TBC1D21: variants seen among roughly 807,000 people sequenced by gnomAD.
The protein encoded by TBC1D21 is male germ cell Rab GTPase-activating protein.
TBC1D21 carries 38 observed loss-of-function variants against 46.0 expected under a neutral mutation model. That is an observed-to-expected ratio of 0.83 (90% CI 0.64 to 1.08). The LOEUF (loss-of-function observed/expected upper bound fraction) is 1.08, where lower values mean the gene tolerates loss of function less well. Ranked by LOEUF, TBC1D21 falls within the 50% of genes least tolerant of loss-of-function variation. The pLI, the probability that TBC1D21 is intolerant of heterozygous loss-of-function variation, is 0.00. For missense variants in TBC1D21, 415 were observed against 417.9 expected (o/e 0.99, Z 0.06); for synonymous variants, 151 against 157.2 (o/e 0.96, Z 0.29).
the TBC1D21 span, among the ~76,000 whole-genome samples, chr15:73,906,967 A>C: frequency 5.3e-5 from 8 of 152,106 alleles, no homozygotes; most frequent in African/African-American, 1.9e-4. Context: ...GCAGGTCTTA[A>C]CTTTATAAAG....
intron 1 of TBC1D21, among the ~76,000 whole-genome samples, chr15:73,880,752 G>A (rs1469740250): frequency 6.6e-6 from 1 of 152,216 alleles, no homozygotes; most frequent in African/African-American, 2.4e-5. Flanking sequence ...CCTGGCGACA[G>A]AGTGAGACTC....
At chr15:73,888,945 T>G in intron 10 of TBC1D21, 124 bp from the exon 11 acceptor site, 2 of 1,146,516 alleles carry the variant, frequency 1.7e-6, no homozygotes, top group South Asian at 2.7e-5. Context: ...CATCCCCCAT[T>G]CCCTGTGTCC....
the TBC1D21 span, among the ~76,000 whole-genome samples, chr15:73,898,880 A>AAAAATATATATATATAT: frequency 1.6e-3 from 92 of 56,688 alleles, no homozygotes; most frequent in Non-Finnish European, 3.0e-3. Flanking sequence ...AAAAAAAAAA[A>AAAAATATATATATATAT]ATATATATAT....
rs771245536 is a variant in TBC1D21, at chr15:73,884,873, G to A, written c.460G>A (p.Val154Ile). 18 of 1,613,924 alleles carry A rather than the reference G, an allele frequency of 1.1e-5. No individual in the cohort carries two copies. The highest frequency in any genetic ancestry group is 9.3e-5 in the African/African-American group (7 of 74,890). ...RLEKILLLSY[V>I]CNTQAEYQQG... ...AGAGAAGATCCTGCTCCTGAGTTAC[G>A]TCTGCAACACGCAGGCAGGTGAGCC... The change falls in exon 5 of 11, where the codon GTC becomes ATC. Residue 154 changes from valine (V) to isoleucine (I), a missense_variant. Coordinates refer to ENST00000300504, the MANE Select transcript of TBC1D21 (RefSeq NM_153356.3).
chr15:73,897,707 A>C, the TBC1D21 span, among the ~76,000 whole-genome samples: 1 of 152,202 alleles, frequency 6.6e-6, no homozygotes, highest in Non-Finnish European at 1.5e-5. Flanking sequence ...TGTTGCCGAG[A>C]GGGAGGAAGC....
At chr15:73,876,212 T>TGTTTG (rs1567062301) in intron 1 of TBC1D21, among the ~76,000 whole-genome samples, 2 of 36,512 alleles carry the variant, frequency 5.5e-5, no homozygotes, top group East Asian at 3.3e-3. Context: ...TTTTTTTTTT[T>TGTTTG]TTTTTTTTTT....
At chr15:73,903,344 C>G in the TBC1D21 span, among the ~76,000 whole-genome samples, 2 of 152,178 alleles carry the variant, frequency 1.3e-5, no homozygotes, top group African/African-American at 4.8e-5. Context: ...CAGGAGCAGC[C>G]CTTGAAGGAA....
chr15:73,886,264 G>T (rs2278864), intron 7 of TBC1D21, 90 bp downstream of exon 7: 337,684 of 1,159,974 alleles, frequency 0.29, 54,403 homozygotes, highest in East Asian at 0.68. Context: ...ATCATGGGGG[G>T]GCTGGAGAGC....
At chr15:73,884,701 TG>T (rs2068211196) in intron 4 of TBC1D21, 79 bp from the exon 5 acceptor site, 1 of 986,582 alleles carries the variant, frequency 1.0e-6, no homozygotes, top group East Asian at 2.5e-5. Flanking sequence ...GCCTGCCCAT[TG>T]GGGTAGGGGA....
At chr15:73,881,613 C>G (rs755031290) in intron 2 of TBC1D21, 31 bp from the exon 3 acceptor site, 2 of 1,606,546 alleles carry the variant, frequency 1.2e-6, no homozygotes, top group South Asian at 2.2e-5. Flanking sequence ...TCGATAGAGC[C>G]CATGACCTCC....
the TBC1D21 span, among the ~76,000 whole-genome samples, chr15:73,903,581 C>A: frequency 3.3e-5 from 5 of 152,308 alleles, no homozygotes; most frequent in South Asian, 1.0e-3. Context: ...ACACCCAAAT[C>A]CTTGTCAGAA....
At chr15:73,906,376 T>C in the TBC1D21 span, among the ~76,000 whole-genome samples, 1 of 152,118 alleles carries the variant, frequency 6.6e-6, no homozygotes, top group Admixed American at 6.5e-5. Flanking sequence ...TATGAGACCA[T>C]CTTCTGAATC....
the TBC1D21 span, among the ~76,000 whole-genome samples, chr15:73,897,199 T>A: frequency 1.3e-5 from 2 of 152,286 alleles, no homozygotes; most frequent in East Asian, 3.9e-4. Context: ...GCAGTGTGAA[T>A]TGGTTAGTCC....
intron 1 of TBC1D21, among the ~76,000 whole-genome samples, chr15:73,880,934 GTAT>G (rs1429022471): frequency 6.6e-6 from 1 of 152,098 alleles, no homozygotes; most frequent in South Asian, 2.1e-4. Flanking sequence ...TTTATGTGGG[GTAT>G]TATTATAATA....
Position 73,881,655 on chromosome 15 carries a change from C to G in TBC1D21, c.180C>G (p.Pro60=). 1 of 1,613,938 alleles carries G rather than the reference C, an allele frequency of 6.2e-7. No homozygotes were observed. The highest frequency in any genetic ancestry group is 2.2e-5 in the East Asian group (1 of 44,856). ...CACCCCCACCCCAGGGTCTGCACCC[C>G]TTCGTGAGGACTGAAGCCTGGAAAT... ...CVNILERGLH[P]FVRTEAWKFL... The change falls in exon 3 of 11, where the codon CCC becomes CCG. Residue 60 remains proline, a synonymous_variant. Coordinates refer to ENST00000300504, the MANE Select transcript of TBC1D21 (RefSeq NM_153356.3).
At chr15:73,899,067 T>C in the TBC1D21 span, among the ~76,000 whole-genome samples, 26 of 151,916 alleles carry the variant, frequency 1.7e-4, no homozygotes, top group African/African-American at 6.0e-4. Flanking sequence ...TTTCAAATGC[T>C]CAGAAGCGCG....
chr15:73,873,730 A>G lies in TBC1D21; in HGVS notation c.21A>G (p.Glu7=), dbSNP rs557364922. ...GGGCCATGACCACCCTCTCTCCTGA[A>G]AACAGCCTCTCTGCCAGACAGTCAG... MTTLSP[E]NSLSARQSAS... Residue 7 remains glutamate (E), a synonymous_variant, in exon 1 of 11, where the codon GAA becomes GAG. Transcript: ENST00000300504. 1.9e-4 allele frequency: 309 copies of G among 1,608,908 alleles called. No homozygotes were observed. In the East Asian group the frequency reaches 5.5e-3, roughly 29 times the overall value.
At chr15:73,874,378 T>G (rs1476288736) in intron 1 of TBC1D21, among the ~76,000 whole-genome samples, 1 of 152,250 alleles carries the variant, frequency 6.6e-6, no homozygotes, top group Non-Finnish European at 1.5e-5. Flanking sequence ...TCTTTATATC[T>G]TTCTCATTTC....
At chr15:73,894,369 A>G in the TBC1D21 span, among the ~76,000 whole-genome samples, 1 of 152,230 alleles carries the variant, frequency 6.6e-6, no homozygotes, top group South Asian at 2.1e-4. Flanking sequence ...GCTGGATGAC[A>G]GGGGTGGTGT....
Sources: allele counts gnomAD v4.1 joint callset (sites outside exome capture counted in the v4.1 genomes callset), GRCh38; gene constraint gnomAD v4.1.1; transcripts MANE v1.5; gene names NCBI Gene and HGNC (gene_info 2026-07-23, HGNC 2026-07-21).